Variants in ANKRD24 observed in about 807,000 individuals in gnomAD.
ANKRD24 encodes the protein ankyrin repeat domain-containing protein 24.
In ANKRD24, 109 loss-of-function variants were observed where a neutral mutation model predicts 127.8. The ratio of observed to expected loss-of-function variants is 0.85; its 90% CI spans 0.73 to 1.00. ANKRD24 has a LOEUF of 1.00. Ranked by LOEUF, ANKRD24 falls within the 50% of genes least tolerant of loss-of-function variation. The probability of loss-of-function intolerance (pLI) is 0.00; values close to 1 mark genes in which losing one functional copy is unlikely to be tolerated. For synonymous variants in ANKRD24, 743 were observed against 671.1 expected (o/e 1.11, Z -1.66); for missense variants, 1,648 against 1,570.2 (o/e 1.05, Z -0.84).
chr19:4,206,339 T>TA (rs912673511), intron 7 of ANKRD24, among the ~76,000 whole-genome samples: 2 of 148,392 alleles, frequency 1.3e-5, no homozygotes, highest in Admixed American at 6.7e-5. Context: ...CATAAAAAAT[T>TA]AAAAAAAAGA....
chr19:4,188,050 G>T (rs1383846229), intron 2 of ANKRD24, among the ~76,000 whole-genome samples: 1 of 152,084 alleles, frequency 6.6e-6, no homozygotes, highest in African/African-American at 2.4e-5. Flanking sequence ...GAGGCCTGTG[G>T]AACAAGCCTG....
In ANKRD24 at chr19:4,195,799, CAGG is replaced by C. The variant is rs1283271737; in HGVS notation, c.37-3881_37-3879del. 3.9e-5 allele frequency among the ~76,000 whole-genome samples: 6 copies of C among 152,184 alleles called. No individual in the cohort carries two copies. Among genetic ancestry groups the C allele is most frequent in the Admixed American group, 1.3e-4 (2 of 15,268 alleles). ...ATCCCAGCTACTCGGGAAGCTGAAGCAGGAGAATTGCTTGAACCCGGGAGGCAG... is the reference window on the plus strand; with the variant it reads ...ATCCCAGCTACTCGGGAAGCTGAAGCAGAATTGCTTGAACCCGGGAGGCAG... On this transcript the variant is annotated intron_variant, in intron 2 of 21. Transcript: ENST00000318934. The surrounding 1 kb of genome is among the most constrained non-coding windows in gnomAD (Gnocchi z 4.2).
rs190517684 is a variant in ANKRD24 at position 4,191,076 on chromosome 19, T to C, written c.36+4615T>C. Reference sequence around the variant, plus strand: ...AGACGGGTGTGAGGGCCTCTGAGAGTGTCTGGAGCTGGAGGGGCCTGAGGT... The same window carrying C: ...AGACGGGTGTGAGGGCCTCTGAGAGCGTCTGGAGCTGGAGGGGCCTGAGGT... On this transcript the variant is annotated intron_variant, in intron 2 of 21. Coordinates refer to ENST00000318934, the MANE Select transcript of ANKRD24 (RefSeq NM_001393985.1). Among the ~76,000 whole-genome samples the C allele has an allele frequency of 3.5e-3, 536 of 151,854 alleles. 2 individuals are homozygous for C. The highest frequency in any genetic ancestry group is 0.014 in the Middle Eastern group (4 of 294).
chr19:4,194,956 A>G (rs1371526932), intron 2 of ANKRD24, among the ~76,000 whole-genome samples: 1 of 150,910 alleles, frequency 6.6e-6, no homozygotes, highest in Non-Finnish European at 1.5e-5. Context: ...TCCGAGGGGC[A>G]TTTGCTCTGA....
At chr19:4,186,212 A>G in intron 1 of ANKRD24, 178 bp from the exon 2 acceptor site, 4 of 1,377,256 alleles carry the variant, frequency 2.9e-6, no homozygotes, top group Non-Finnish European at 3.8e-6. Flanking sequence ...CAGAGAGGGC[A>G]AGTAAACTGC....
chr19:4,194,526 C>T (rs1968587605), intron 2 of ANKRD24, among the ~76,000 whole-genome samples: 1 of 152,170 alleles, frequency 6.6e-6, no homozygotes, highest in Non-Finnish European at 1.5e-5. Flanking sequence ...CTCCCCCCTC[C>T]AACGACTCAC....
Position 4,224,416 on chromosome 19 carries a change from C to T in ANKRD24, c.3364-12C>T, listed in dbSNP as rs369769571. On this transcript the variant is annotated splice_polypyrimidine_tract_variant and intron_variant, in intron 21 of 21. Coordinates refer to ENST00000318934, the MANE Select transcript of ANKRD24 (RefSeq NM_001393985.1). Reference sequence around the variant, plus strand: ...GTATACTCAGGGTCTTCCTCTACTCCCCCAACCCTAGGGCCAGATGGATGA... The same window carrying T: ...GTATACTCAGGGTCTTCCTCTACTCTCCCAACCCTAGGGCCAGATGGATGA... The T allele has an allele frequency of 6.2e-7, 1 of 1,612,582 alleles. No homozygotes were observed. Among genetic ancestry groups the T allele is most frequent in the Non-Finnish European group, 8.5e-7 (1 of 1,179,472 alleles).
intron 1 of ANKRD24, among the ~76,000 whole-genome samples, chr19:4,186,032 A>G (rs528988050): frequency 3.9e-5 from 6 of 152,308 alleles, no homozygotes; most frequent in Admixed American, 3.9e-4. Flanking sequence ...GGTAAAAGTT[A>G]GGAGACCAGA....
At chr19:4,215,307 G>C (rs1022432400) in intron 15 of ANKRD24, among the ~76,000 whole-genome samples, 1 of 152,188 alleles carries the variant, frequency 6.6e-6, no homozygotes, top group Non-Finnish European at 1.5e-5. Flanking sequence ...CCAACGTGGT[G>C]AAACCACGTG....
In ANKRD24 at chr19:4,199,025, G is replaced by T. The variant is rs1338922712; in HGVS notation, c.37-658G>T. Among the ~76,000 whole-genome samples, 1 of 152,126 alleles carries T rather than the reference G, an allele frequency of 6.6e-6. No individual in the cohort carries two copies. The highest frequency in any genetic ancestry group is 1.5e-5 in the Non-Finnish European group (1 of 68,034). On this transcript the variant is annotated intron_variant, in intron 2 of 21. Coordinates refer to ENST00000318934, the MANE Select transcript of ANKRD24 (RefSeq NM_001393985.1). This position sits in a 1 kb window ranked among gnomAD's most constrained non-coding sequence, Gnocchi z 5.2. ...GGAGACATTTCGTAATGCATTTCAG[G>T]CTATAGTGTTGAGGGGAGAAGCCTC...
chr19:4,207,707 T>C (rs1213794737), intron 9 of ANKRD24, 74 bp from the exon 10 acceptor site: 2 of 1,587,594 alleles, frequency 1.3e-6, no homozygotes, highest in Admixed American at 1.8e-5. Context: ...CTTCCCAGCC[T>C]GGCCTGGGTG....
intron 16 of ANKRD24, 82 bp downstream of exon 16, chr19:4,216,132 T>G: frequency 6.8e-7 from 1 of 1,466,402 alleles, no homozygotes; most frequent in Non-Finnish European, 9.3e-7. Flanking sequence ...TGTGGGGGAG[T>G]TTGAAGCTGG....
intron 1 of ANKRD24, chr19:4,183,535 T>G (rs1967863278): frequency 1.0e-5 from 2 of 197,242 alleles, no homozygotes; most frequent in African/African-American, 4.8e-5. Flanking sequence ...CACAGGGCAG[T>G]GAGGGGGCTC....
intron 2 of ANKRD24, among the ~76,000 whole-genome samples, chr19:4,191,117 G>C (rs1297133012): frequency 6.6e-6 from 1 of 152,186 alleles, no homozygotes; most frequent in Non-Finnish European, 1.5e-5. Context: ...CATAGCCTGG[G>C]CTGGAACTGT....
At chr19:4,193,174 C>A (rs1307330385) in intron 2 of ANKRD24, among the ~76,000 whole-genome samples, 1 of 150,048 alleles carries the variant, frequency 6.7e-6, no homozygotes, top group African/African-American at 2.5e-5. Flanking sequence ...TGGTGGTGGG[C>A]ACCTGTAATC....
chr19:4,188,865 T>C (rs1005621398), intron 2 of ANKRD24, among the ~76,000 whole-genome samples: 5 of 152,202 alleles, frequency 3.3e-5, no homozygotes, highest in Non-Finnish European at 5.9e-5. Context: ...TGGAATGCAG[T>C]GGCACGATCT....
intron 15 of ANKRD24, among the ~76,000 whole-genome samples, chr19:4,215,775 C>A (rs1434779949): frequency 3.5e-4 from 49 of 141,454 alleles, no homozygotes; most frequent in Non-Finnish European, 3.1e-4. Flanking sequence ...ACCCTGGCTC[C>A]AAAAAAAAAA....
intron 14 of ANKRD24, 32 bp downstream of exon 14, chr19:4,212,545 CCTG>C: frequency 1.3e-6 from 2 of 1,549,576 alleles, no homozygotes; most frequent in African/African-American, 2.7e-5. Flanking sequence ...AGCCGGTCCT[CCTG>C]CTGCCCAGCC....
At chr19:4,188,694 A>G (rs936672633) in intron 2 of ANKRD24, among the ~76,000 whole-genome samples, 2 of 148,676 alleles carry the variant, frequency 1.3e-5, no homozygotes, top group African/African-American at 4.9e-5. Flanking sequence ...CTGGGATAGA[A>G]TCAGGTGGCT....
Sources: gnomAD v4.1 joint callset for allele counts (sites outside exome capture counted in the v4.1 genomes callset) on GRCh38, gnomAD v4.1.1 for gene constraint, Gnocchi (gnomAD v3.1) non-coding constraint, MANE v1.5 for transcripts, NCBI Gene and HGNC (gene_info 2026-07-23, HGNC 2026-07-21) for gene names.